Variants in CTIF observed in about 807,000 individuals in gnomAD.
The protein encoded by CTIF is CBP80/20-dependent translation initiation factor.
CTIF carries 21 observed loss-of-function variants against 66.0 expected under a neutral mutation model. The observed-to-expected ratio is 0.32, with a 90% CI of 0.23 to 0.46. The LOEUF is 0.46. CTIF is among the 20% of genes least tolerant of loss of function. CTIF has a pLI of 1.00. For synonymous variants in CTIF, 345 were observed against 326.4 expected (o/e 1.06, Z -0.62); for missense variants, 739 against 812.7 (o/e 0.91, Z 1.10).
chr18:48,763,376 C>T (rs1253080703), intron 9 of CTIF, among the ~76,000 whole-genome samples: 1 of 152,222 alleles, frequency 6.6e-6, no homozygotes, highest in Admixed American at 6.5e-5. Flanking sequence ...GCCTCACCCA[C>T]AAGTGTCCAG....
At chr18:48,743,606 T>C (rs964324972) in intron 7 of CTIF, among the ~76,000 whole-genome samples, 1 of 152,232 alleles carries the variant, frequency 6.6e-6, no homozygotes, top group African/African-American at 2.4e-5. Context: ...TTACAATAAA[T>C]GAAGAAGAAT....
At chr18:48,602,627 C>T (rs909828717) in intron 1 of CTIF, among the ~76,000 whole-genome samples, 2 of 152,158 alleles carry the variant, frequency 1.3e-5, no homozygotes, top group East Asian at 1.9e-4. Flanking sequence ...TCAAAAATAA[C>T]GTTTTTGGTG....
intron 1 of CTIF, among the ~76,000 whole-genome samples, chr18:48,615,559 C>T (rs543179506): frequency 6.2e-4 from 95 of 152,316 alleles, no homozygotes; most frequent in African/African-American, 2.0e-3. Context: ...AGGGATCTGG[C>T]GGCCACTGTG....
chr18:48,639,121 C>T (rs756303274), intron 3 of CTIF, among the ~76,000 whole-genome samples: 1 of 152,230 alleles, frequency 6.6e-6, no homozygotes, highest in Non-Finnish European at 1.5e-5. Context: ...GTCTGCGACG[C>T]CCATGCCTGG....
At chr18:48,701,911 A>T (rs1327803320) in intron 6 of CTIF, among the ~76,000 whole-genome samples, 1 of 152,230 alleles carries the variant, frequency 6.6e-6, no homozygotes, top group East Asian at 1.9e-4. Context: ...TATCATGTTA[A>T]ATTATTTAGG....
intron 1 of CTIF, among the ~76,000 whole-genome samples, chr18:48,550,574 C>T (rs1173879806): frequency 2.6e-5 from 4 of 152,184 alleles, no homozygotes; most frequent in Non-Finnish European, 5.9e-5. Context: ...AAATCTGTCC[C>T]CTCTGGGCTC....
At chr18:48,698,640 C>T (rs367932909) in intron 6 of CTIF, among the ~76,000 whole-genome samples, 28 of 152,274 alleles carry the variant, frequency 1.8e-4, no homozygotes, top group African/African-American at 5.5e-4. Context: ...AATAGGAATA[C>T]CCTATTTGTT....
intron 1 of CTIF, among the ~76,000 whole-genome samples, chr18:48,551,518 C>A (rs950685066): frequency 6.6e-6 from 1 of 152,186 alleles, no homozygotes. Flanking sequence ...GATACTAATA[C>A]ACATGCATTG....
chr18:48,767,519 A>G (rs1247297706), intron 9 of CTIF, among the ~76,000 whole-genome samples: 1 of 152,168 alleles, frequency 6.6e-6, no homozygotes, highest in Non-Finnish European at 1.5e-5. Flanking sequence ...GCAAAGTATT[A>G]TTAGAGCCGG....
intron 2 of CTIF, among the ~76,000 whole-genome samples, chr18:48,632,728 C>T (rs1291263830): frequency 6.6e-6 from 1 of 152,162 alleles, no homozygotes; most frequent in Non-Finnish European, 1.5e-5. Flanking sequence ...CCCTGGGTTG[C>T]CTGCTTTTCC....
intron 6 of CTIF, among the ~76,000 whole-genome samples, chr18:48,689,119 T>C (rs1335209180): frequency 3.9e-5 from 6 of 152,242 alleles, no homozygotes; most frequent in Non-Finnish European, 7.3e-5. Context: ...GGAGGAGGAC[T>C]GCCACAGCAT....
intron 3 of CTIF, among the ~76,000 whole-genome samples, chr18:48,637,140 G>A (rs2090837840): frequency 6.6e-6 from 1 of 152,226 alleles, no homozygotes; most frequent in African/African-American, 2.4e-5. Flanking sequence ...GAAGGCCTGG[G>A]AGGGGCAGCC....
At position 48,664,909 on chromosome 18, in the gene CTIF, C is replaced by CTTTT. The variant is rs368586647; in HGVS notation, c.431+371_431+374dup. 1.9e-3 allele frequency among the ~76,000 whole-genome samples: 119 copies of CTTTT among 62,120 alleles called. 1 individual carries two copies. The highest frequency in any genetic ancestry group is 3.2e-3 in the Non-Finnish European group (85 of 26,426). The allele number at this position is 62,120 out of a possible 152,430, so 40.8% of individuals were successfully genotyped here. A position where few individuals can be genotyped will look rare whatever the true frequency, so the allele number is the denominator to read the frequency against. The stretch of plus-strand genomic sequence containing the variant: ...GTGGACTGAGGCTGTGTGTTTCTTT[C>CTTTT]TTTTTTTTTTTTTTTTGAGACGGAG... On this transcript the variant is annotated intron_variant, in intron 5 of 11. Coordinates refer to ENST00000256413, the MANE Select transcript of CTIF (RefSeq NM_014772.3).
intron 1 of CTIF, among the ~76,000 whole-genome samples, chr18:48,600,039 T>C (rs1379740160): frequency 6.6e-6 from 1 of 152,156 alleles, no homozygotes; most frequent in East Asian, 1.9e-4. Flanking sequence ...ATGTGTCTAA[T>C]AATCTCCATG....
chr18:48,815,554 C>T (rs1568240604), intron 9 of CTIF, among the ~76,000 whole-genome samples: 1 of 152,218 alleles, frequency 6.6e-6, no homozygotes. Context: ...CAAGTATATA[C>T]TTTTTTGTAA....
At chr18:48,588,491 A>G (rs981701441) in intron 1 of CTIF, among the ~76,000 whole-genome samples, 3 of 152,174 alleles carry the variant, frequency 2.0e-5, no homozygotes, top group African/African-American at 7.2e-5. Context: ...ATGTGGTCCC[A>G]AATCTAGCTC....
chr18:48,670,810 A>G, intron 6 of CTIF, 66 bp downstream of exon 6: 1 of 1,353,292 alleles, frequency 7.4e-7, no homozygotes, highest in Non-Finnish European at 1.1e-6. Flanking sequence ...CTCTTCCTGG[A>G]CAGGACCTAA....
At chr18:48,544,701 G>A (rs888501408) in intron 1 of CTIF, among the ~76,000 whole-genome samples, 2 of 152,228 alleles carry the variant, frequency 1.3e-5, no homozygotes, top group African/African-American at 4.8e-5. Context: ...TTAGGCTGGG[G>A]CAATGGCCCA....
chr18:48,612,781 G>A (rs940498766), intron 1 of CTIF, among the ~76,000 whole-genome samples: 2 of 152,162 alleles, frequency 1.3e-5, no homozygotes, highest in African/African-American at 2.4e-5. Flanking sequence ...CACCAAGCAA[G>A]CCCCCTGCAG....
Sources: allele counts gnomAD v4.1 joint callset (sites outside exome capture counted in the v4.1 genomes callset), GRCh38; gene constraint gnomAD v4.1.1; transcripts MANE v1.5; gene names NCBI Gene and HGNC (gene_info 2026-07-23, HGNC 2026-07-21).